Variants in VPS41 observed in about 807,000 individuals in gnomAD.
VPS41 encodes the protein VPS41 subunit of HOPS complex, also known as vacuolar protein sorting-associated protein 41 homolog.
VPS41 carries 85 observed loss-of-function variants against 130.9 expected under a neutral mutation model. That is an observed-to-expected ratio of 0.65 (90% CI 0.55 to 0.78). The LOEUF (loss-of-function observed/expected upper bound fraction) is 0.78. VPS41 is among the 30% of genes least tolerant of loss of function. The probability of loss-of-function intolerance (pLI) is 0.00; values close to 1 mark genes in which losing one functional copy is unlikely to be tolerated. For synonymous variants in VPS41, 335 were observed against 332.9 expected, an observed-to-expected ratio of 1.01 and a Z score of -0.07; for missense variants, 874 against 1,018.7, an observed-to-expected ratio of 0.86 and a Z score of 1.93.
rs376290675 is a variant in VPS41 at position 38,849,654 on chromosome 7, A to G, written c.246+12891T>C. On this transcript the variant is annotated intron_variant, in intron 4 of 28. Coordinates refer to ENST00000310301, the MANE Select transcript of VPS41 (RefSeq NM_014396.4). ...TGCCTGCTGGCATGCTCTTCAACCA[A>G]TGTGCTCCTCTCAACATCCCGCTTG... Among the ~76,000 whole-genome samples the G allele has an allele frequency of 2.8e-4, 42 of 152,174 alleles. 1 individual carries two copies. Among genetic ancestry groups the G allele is most frequent in the African/African-American group, 8.2e-4 (34 of 41,520 alleles).
At chr7:38,791,782 G>A (rs113564856) in intron 9 of VPS41, among the ~76,000 whole-genome samples, 34 of 152,238 alleles carry the variant, frequency 2.2e-4, no homozygotes, top group African/African-American at 8.2e-4. Flanking sequence ...CTATGGGCAA[G>A]GAGGGGACTG....
chr7:38,750,740 TGA>T (rs1312610850), intron 22 of VPS41, among the ~76,000 whole-genome samples: 3 of 152,120 alleles, frequency 2.0e-5, no homozygotes, highest in African/African-American at 7.2e-5. Flanking sequence ...ATAAAGTGTG[TGA>T]GAGATATAGA....
intron 14 of VPS41, among the ~76,000 whole-genome samples, chr7:38,770,918 G>A (rs949658289): frequency 2.0e-5 from 3 of 151,944 alleles, no homozygotes; most frequent in Non-Finnish European, 2.9e-5. Flanking sequence ...TACGATTTAG[G>A]GAAACTTTCA....
intron 19 of VPS41, 56 bp downstream of exon 19, chr7:38,756,782 T>G (rs1783802932): frequency 7.8e-7 from 1 of 1,276,952 alleles, no homozygotes; most frequent in Non-Finnish European, 1.1e-6. Flanking sequence ...TATCTAAGTA[T>G]TAAATATTTG....
chr7:38,777,083 A>G (rs1032531984), intron 10 of VPS41, among the ~76,000 whole-genome samples: 2 of 152,240 alleles, frequency 1.3e-5, no homozygotes, highest in Non-Finnish European at 2.9e-5. Flanking sequence ...CATAGACTAC[A>G]TGAAGATGCT....
intron 10 of VPS41, among the ~76,000 whole-genome samples, chr7:38,781,123 G>C (rs1482526242): frequency 1.3e-5 from 2 of 152,080 alleles, no homozygotes; most frequent in Non-Finnish European, 2.9e-5. Flanking sequence ...TTATAGGAAT[G>C]CAAGAATGGA....
chr7:38,869,634 A>C (rs899551165), intron 2 of VPS41, among the ~76,000 whole-genome samples: 1 of 152,198 alleles, frequency 6.6e-6, no homozygotes, highest in Non-Finnish European at 1.5e-5. Context: ...AGTTGTAAAA[A>C]TTATTATAAT....
At position 38,726,899 on chromosome 7, in the gene VPS41, G is replaced by A. The variant is rs1255669279; in HGVS notation, c.2484+10C>T. Reference sequence around the variant, plus strand: ...CCCTCTAGTTGATAGGTGCCAAGCTGCCAACTCACCATGCTGGGCATGGGC... The same window carrying A: ...CCCTCTAGTTGATAGGTGCCAAGCTACCAACTCACCATGCTGGGCATGGGC... On this transcript the variant is annotated intron_variant, in intron 28 of 28. Transcript: ENST00000310301. The A allele has an allele frequency of 7.8e-6, 12 of 1,539,666 alleles. 1 individual carries two copies. The Admixed American group carries it at 2.1e-4, about 26-fold the overall frequency.
Position 38,796,846 on chromosome 7 carries a change from A to G in VPS41, c.469T>C (p.Ser157Pro), listed in dbSNP as rs2115988536. ...GCAGACTTCCATCTGTTCATCCAAG[A>G]CCGTTCAAACAGTAGCAGCTAGGGA... is the stretch of plus-strand genomic sequence containing the variant. ...GGKKLLLFER[S>P]WMNRWKSAVL... The change falls in exon 8 of 29, where the codon TCT becomes CCT. Residue 157 changes from serine to proline, a missense_variant. By Grantham distance (74) the Ser-to-Pro change is moderately conservative. Transcript: ENST00000310301. 1 of 1,613,946 alleles carries G rather than the reference A, an allele frequency of 6.2e-7. No homozygotes were observed. The highest frequency in any genetic ancestry group is 1.7e-5 in the Admixed American group (1 of 60,020).
rs1201685799 is a variant in VPS41, at chr7:38,752,287, G to A, written c.1815C>T (p.Asp605=). 1.2e-6 allele frequency: 2 copies of A among 1,613,742 alleles called. No individual in the cohort carries two copies. The highest frequency in any genetic ancestry group is 2.7e-5 in the African/African-American group (2 of 74,874). Residue 605 remains aspartate, a synonymous_variant, in exon 22 of 29, where the codon GAC becomes GAT. Coordinates refer to ENST00000310301, the MANE Select transcript of VPS41 (RefSeq NM_014396.4). ...CATGGTAACGCTGCCCCTTATGGTGGTCTCTCTTGAAAAGCTTATGCAAAT... is the reference window on the plus strand; with the variant it reads ...CATGGTAACGCTGCCCCTTATGGTGATCTCTCTTGAAAAGCTTATGCAAAT... ...HVYLHKLFKR[D]HHKGQRYHEK...
chr7:38,772,129 C>T (rs1480683417), intron 13 of VPS41, among the ~76,000 whole-genome samples: 2 of 151,992 alleles, frequency 1.3e-5, no homozygotes. Context: ...TCATTCTATC[C>T]AAACTGATAG....
At chr7:38,874,877 C>A (rs1786453744) in intron 2 of VPS41, among the ~76,000 whole-genome samples, 1 of 152,052 alleles carries the variant, frequency 6.6e-6, no homozygotes, top group African/African-American at 2.4e-5. Context: ...ACAAGCTTAA[C>A]ATATAAAAAA....
At position 38,826,263 on chromosome 7, in the gene VPS41, T is replaced by C. The variant is rs149775546; in HGVS notation, c.321+3991A>G. ...AACAGTAACAAGGGCAAGTTAGACATTGAATCTGTTTGCTAACCCAGGTTG... is the reference window on the plus strand; with the variant it reads ...AACAGTAACAAGGGCAAGTTAGACACTGAATCTGTTTGCTAACCCAGGTTG... On this transcript the variant is annotated intron_variant, in intron 5 of 28. Transcript: ENST00000310301. Among the ~76,000 whole-genome samples the C allele has an allele frequency of 3.2e-4, 48 of 152,278 alleles. 1 individual carries two copies. Among genetic ancestry groups the C allele is most frequent in the African/African-American group, 8.2e-4 (34 of 41,550 alleles).
intron 16 of VPS41, among the ~76,000 whole-genome samples, chr7:38,764,257 G>C (rs905408861): frequency 6.6e-6 from 1 of 152,174 alleles, no homozygotes; most frequent in African/African-American, 2.4e-5. Context: ...GGTTTCTCAG[G>C]AAAAAATAAG....
chr7:38,807,027 CCACTTTGGCTAAAATGA>C (rs1472683253), intron 7 of VPS41, among the ~76,000 whole-genome samples: 3 of 152,212 alleles, frequency 2.0e-5, no homozygotes, highest in African/African-American at 7.2e-5. Flanking sequence ...CAAACACCTC[CCACTTTGGCTAAAATGA>C]CAGACTGCTG....
intron 25 of VPS41, among the ~76,000 whole-genome samples, chr7:38,732,717 A>T (rs936719729): frequency 2.6e-5 from 4 of 152,228 alleles, no homozygotes; most frequent in Non-Finnish European, 5.9e-5. Context: ...CCCTCACGTA[A>T]TGCTGGTATT....
At chr7:38,879,605 G>C (rs893872782) in intron 2 of VPS41, among the ~76,000 whole-genome samples, 1 of 152,158 alleles carries the variant, frequency 6.6e-6, no homozygotes, top group Non-Finnish European at 1.5e-5. Flanking sequence ...TGAGGGTGGT[G>C]GTGATGGTCT....
chr7:38,884,452 T>G (rs887851403), intron 2 of VPS41, among the ~76,000 whole-genome samples: 11 of 152,234 alleles, frequency 7.2e-5, no homozygotes, highest in African/African-American at 2.4e-4. Flanking sequence ...AATGCACATC[T>G]GTTTAGGAGG....
At chr7:38,771,294 A>AAAG in intron 13 of VPS41, 40 bp from the exon 14 acceptor site, 1 of 1,423,658 alleles carries the variant, frequency 7.0e-7, no homozygotes, top group Non-Finnish European at 9.7e-7. Context: ...AAAAAAAAAA[A>AAAG]GCAGAAAAGG....
Sources: allele counts gnomAD v4.1 joint callset (sites outside exome capture counted in the v4.1 genomes callset), GRCh38; gene constraint gnomAD v4.1.1; transcripts MANE v1.5; gene names NCBI Gene and HGNC (gene_info 2026-07-23, HGNC 2026-07-21).